DST: variants seen among roughly 807,000 people sequenced by gnomAD.
DST encodes dystonin.
Under a neutral mutation model 875.2 loss-of-function variants are expected in DST, and 253 were observed. That is an observed-to-expected ratio of 0.29 (90% CI 0.26 to 0.32). The LOEUF (loss-of-function observed/expected upper bound fraction) is 0.32. DST is among the 10% of genes least tolerant of loss of function. The pLI, the probability that DST is intolerant of heterozygous loss-of-function variation, is 1.00. For synonymous variants in DST, 3,124 were observed against 3,197.1 expected (o/e 0.98, Z 0.77); for missense variants, 8,287 against 9,111.6 (o/e 0.91, Z 3.68).
chr6:56,477,086 G>A (rs1043656873), intron 91 of DST, among the ~76,000 whole-genome samples: 11 of 152,308 alleles, frequency 7.2e-5, no homozygotes, highest in African/African-American at 2.6e-4. Context: ...AATGTGGAAG[G>A]AGGCCAAAAT....
chr6:56,558,718 T>C (rs938990987), intron 58 of DST, among the ~76,000 whole-genome samples: 8 of 152,232 alleles, frequency 5.3e-5, no homozygotes, highest in Admixed American at 2.6e-4. Context: ...CTGAAGACCA[T>C]TGCCTGACAT....
Position 56,506,428 on chromosome 6 carries a change from C to A in DST, c.19464+15G>T. On this transcript the variant is annotated intron_variant, in intron 77 of 103. Transcript: ENST00000680361. ...CTTCCAGCTAAGACCAGCACATACA[C>A]TGTAATCCCCTTACCTGCAGTCCAT... 1 of 1,602,154 alleles carries A rather than the reference C, an allele frequency of 6.2e-7. No individual in the cohort carries two copies. The highest frequency in any genetic ancestry group is 8.5e-7 in the Non-Finnish European group (1 of 1,171,756).
intron 4 of DST, chr6:56,843,667 G>A: frequency 1.0e-6 from 1 of 982,852 alleles, no homozygotes; most frequent in Non-Finnish European, 1.2e-6. Flanking sequence ...TGGCCGCCGC[G>A]CCGCAGACAC....
In DST at chr6:56,631,392, A is replaced by T; in HGVS notation, c.3964-3T>A. ...CGTTCCAGCTCTTTCTTTAGTTTCT[A>T]TAAAACAGAGAACAAACAAAGGTAT... is the stretch of plus-strand genomic sequence containing the variant. On this transcript the variant is annotated splice_polypyrimidine_tract_variant and splice_region_variant and intron_variant, in intron 29 of 103. Transcript: ENST00000680361. 1 of 1,613,382 alleles carries T rather than the reference A, an allele frequency of 6.2e-7. No homozygotes were observed. Among genetic ancestry groups the T allele is most frequent in the Admixed American group, 1.7e-5 (1 of 59,996 alleles).
chr6:56,715,960 T>C (rs2099393262), intron 5 of DST, among the ~76,000 whole-genome samples: 1 of 152,200 alleles, frequency 6.6e-6, no homozygotes, highest in African/African-American at 2.4e-5. Flanking sequence ...TTGAGTCTCA[T>C]ATTTGAAGGA....
At chr6:56,589,544 G>A (rs1563016666) in intron 49 of DST, among the ~76,000 whole-genome samples, 1 of 152,182 alleles carries the variant, frequency 6.6e-6, no homozygotes, top group Admixed American at 6.5e-5. Flanking sequence ...CTGGGCATTT[G>A]TACAATTCAT....
intron 49 of DST, among the ~76,000 whole-genome samples, chr6:56,588,359 C>T (rs1268707243): frequency 1.3e-5 from 2 of 152,188 alleles, no homozygotes; most frequent in Non-Finnish European, 2.9e-5. Context: ...CTACCCCCGC[C>T]ATCCTGAACT....
At chr6:56,765,254 T>A (rs920472162) in intron 4 of DST, among the ~76,000 whole-genome samples, 1 of 152,244 alleles carries the variant, frequency 6.6e-6, no homozygotes, top group African/African-American at 2.4e-5. Context: ...TCAATGATAT[T>A]TTCAAAAGCA....
chr6:56,785,608 G>A (rs1024889733), intron 4 of DST, among the ~76,000 whole-genome samples: 13 of 152,064 alleles, frequency 8.5e-5, no homozygotes, highest in Non-Finnish European at 8.8e-5. Context: ...TCCAGGTGCC[G>A]TCTGTCACCC....
chr6:56,652,434 GA>G (rs2098981776), intron 10 of DST, among the ~76,000 whole-genome samples: 1 of 152,162 alleles, frequency 6.6e-6, no homozygotes, highest in African/African-American at 2.4e-5. Context: ...AGCTTACAAA[GA>G]AAGGCTCTCT....
intron 2 of DST, among the ~76,000 whole-genome samples, chr6:56,948,066 C>T (rs1260893266): frequency 6.6e-6 from 1 of 152,210 alleles, no homozygotes; most frequent in African/African-American, 2.4e-5. Context: ...AATGTCTTTT[C>T]CATCCTAACT....
At chr6:56,938,104 C>CTA (rs1453586100) in intron 2 of DST, among the ~76,000 whole-genome samples, 1 of 57,424 alleles carries the variant, frequency 1.7e-5, no homozygotes, top group African/African-American at 6.8e-5. Flanking sequence ...CTCTCTCTCT[C>CTA]TCTCTATATA....
chr6:56,855,901 G>A (rs1767632090), intron 3 of DST, among the ~76,000 whole-genome samples: 1 of 152,144 alleles, frequency 6.6e-6, no homozygotes, highest in Non-Finnish European at 1.5e-5. Flanking sequence ...ACTGGCATGG[G>A]GAGAAAGTGT....
rs370482828 is a variant in DST, at chr6:56,775,363, T to C, written c.626-40074A>G. On this transcript the variant is annotated intron_variant, in intron 4 of 103. Coordinates refer to ENST00000680361, the MANE Select transcript of DST (RefSeq NM_001374736.1). ...GTTTATTTAACCTTGAATATCTCCTTTTTATCTCTAAATGGAACTGTGGCC... is the reference window on the plus strand; with the variant it reads ...GTTTATTTAACCTTGAATATCTCCTCTTTATCTCTAAATGGAACTGTGGCC... Among the ~76,000 whole-genome samples the C allele has an allele frequency of 4.6e-5, 7 of 152,308 alleles. No homozygotes were observed. In the South Asian group the frequency reaches 1.0e-3, roughly 23 times the overall value.
In DST at chr6:56,526,693, T is replaced by C. The variant is rs146362473; in HGVS notation, c.17923-126A>G. ...GCTTTGCCCCACTCCCCCCCTCCCT[T>C]AGTTTCAGTCGAGTTAAATAAACCT... On this transcript the variant is annotated intron_variant, in intron 68 of 103. Transcript: ENST00000680361. The C allele has an allele frequency of 9.2e-3, 7,111 of 774,706 alleles. 70 individuals carry two copies. Among genetic ancestry groups the C allele is most frequent in the South Asian group, 0.029 (1,239 of 42,556 alleles). 48.0% of individuals were successfully genotyped at this position (774,706 alleles called of 1,614,324 possible). A position where few individuals can be genotyped will look rare whatever the true frequency, so the allele number is the denominator to read the frequency against.
chr6:56,496,512 C>A (rs1383110443), intron 82 of DST, among the ~76,000 whole-genome samples: 1 of 151,826 alleles, frequency 6.6e-6, no homozygotes, highest in Non-Finnish European at 1.5e-5. Context: ...TATTTTCTAA[C>A]CTTCCATGAA....
chr6:56,514,576 T>TATAC (rs1554275832), intron 72 of DST, among the ~76,000 whole-genome samples: 4 of 107,240 alleles, frequency 3.7e-5, no homozygotes, highest in Non-Finnish European at 7.8e-5. Flanking sequence ...GGCACAGGCG[T>TATAC]ATACACACAC....
intron 92 of DST, chr6:56,474,215 G>C (rs2095051269): frequency 2.5e-6 from 1 of 407,588 alleles, no homozygotes; most frequent in African/African-American, 2.1e-5. Flanking sequence ...CAGGTGCAGT[G>C]GCTCATGCCT....
chr6:56,740,393 G>A (rs2099542560), intron 4 of DST, among the ~76,000 whole-genome samples: 1 of 152,166 alleles, frequency 6.6e-6, no homozygotes, highest in Non-Finnish European at 1.5e-5. Context: ...GTTGAGAGAA[G>A]TACATGGCAC....
Sources: gnomAD v4.1 joint callset for allele counts (sites outside exome capture counted in the v4.1 genomes callset) on GRCh38, gnomAD v4.1.1 for gene constraint, MANE v1.5 for transcripts, NCBI Gene and HGNC (gene_info 2026-07-23, HGNC 2026-07-21) for gene names.